Variants in NINJ2 observed in about 807,000 individuals in gnomAD.
NINJ2 encodes ninjurin-2.
In NINJ2, 12 loss-of-function variants were observed where a neutral mutation model predicts 11.7. That is an observed-to-expected ratio of 1.02 (90% CI 0.66 to 1.66). NINJ2 has a LOEUF of 1.66. Ranked by LOEUF, NINJ2 falls within the 40% of genes most tolerant of loss-of-function variation. The probability of loss-of-function intolerance (pLI) is 0.00; values close to 1 mark genes in which losing one functional copy is unlikely to be tolerated. For missense variants in NINJ2, 187 were observed against 181.8 expected (o/e 1.03, Z -0.16); for synonymous variants, 93 against 76.8 (o/e 1.21, Z -1.10).
At chr12:587,089 T>C (rs1476925765) in intron 1 of NINJ2, among the ~76,000 whole-genome samples, 1 of 152,238 alleles carries the variant, frequency 6.6e-6, no homozygotes, top group Non-Finnish European at 1.5e-5. Flanking sequence ...GTTTCTTTTC[T>C]TGCTACTAAA....
chr12:624,834 C>T (rs1236516266), intron 1 of NINJ2, among the ~76,000 whole-genome samples: 1 of 144,142 alleles, frequency 6.9e-6, no homozygotes, highest in African/African-American at 2.6e-5. Flanking sequence ...GATGGCTGGG[C>T]GCGGTGGCTC....
At chr12:573,302 T>C (rs1300656232) in intron 1 of NINJ2, among the ~76,000 whole-genome samples, 1 of 152,086 alleles carries the variant, frequency 6.6e-6, no homozygotes, top group Non-Finnish European at 1.5e-5. Context: ...ACTGGGATTA[T>C]AGGCGTGAGC....
chr12:617,688 GT>G (rs1296471054), intron 1 of NINJ2, among the ~76,000 whole-genome samples: 2 of 152,164 alleles, frequency 1.3e-5, no homozygotes, highest in Non-Finnish European at 2.9e-5. Context: ...GCGTCGCCGT[GT>G]TTTCTGTGCT....
intron 1 of NINJ2, chr12:643,361 T>G: frequency 1.2e-6 from 1 of 866,558 alleles, no homozygotes; most frequent in Non-Finnish European, 1.4e-6. Context: ...AGGGTGGCGT[T>G]CCTGAGTCCG....
chr12:642,493 G>T (rs1234385027), intron 1 of NINJ2, among the ~76,000 whole-genome samples: 2 of 152,204 alleles, frequency 1.3e-5, no homozygotes. Flanking sequence ...CTGCCAAAGT[G>T]CTGGAATTAC....
chr12:630,334 A>AT lies in NINJ2; in HGVS notation c.33+32993dup, dbSNP rs201097318. 4.7e-3 allele frequency among the ~76,000 whole-genome samples: 704 copies of AT among 151,020 alleles called. 6 individuals carry two copies. Among genetic ancestry groups the AT allele is most frequent in the African/African-American group, 0.012 (512 of 41,142 alleles). ...TTCTATCAGCAAGAAAGCTGCTTCT[A>AT]TTTTTTTTTATTCTCTTTTTCTTGG... is the stretch of plus-strand genomic sequence containing the variant. On this transcript the variant is annotated intron_variant, in intron 1 of 3. Coordinates refer to ENST00000305108, the MANE Select transcript of NINJ2 (RefSeq NM_016533.6).
At chr12:660,691 T>G (rs1937946477) in intron 1 of NINJ2, among the ~76,000 whole-genome samples, 1 of 151,874 alleles carries the variant, frequency 6.6e-6, no homozygotes, top group South Asian at 2.1e-4. Context: ...CCAGCTATGG[T>G]GGCTCACACC....
intron 1 of NINJ2, chr12:589,690 C>T (rs1947691716): frequency 6.6e-6 from 1 of 152,208 alleles, no homozygotes; most frequent in South Asian, 2.1e-4. Flanking sequence ...AAAACACCTT[C>T]CCTGTTTCTT....
chr12:632,957 G>A (rs58723372), intron 1 of NINJ2, among the ~76,000 whole-genome samples: 7,056 of 152,266 alleles, frequency 0.046, 529 homozygotes, highest in African/African-American at 0.15. Flanking sequence ...GAACACAAAA[G>A]GTTAGTGGGC....
intron 1 of NINJ2, among the ~76,000 whole-genome samples, chr12:653,018 C>CTTTTTTTT: frequency 1.0e-5 from 1 of 96,200 alleles, no homozygotes; most frequent in Non-Finnish European, 1.9e-5. Context: ...TATTTTGTTT[C>CTTTTTTTT]TTTTTTTTTT....
At chr12:601,322 G>GT in intron 1 of NINJ2, among the ~76,000 whole-genome samples, 1 of 151,984 alleles carries the variant, frequency 6.6e-6, no homozygotes, top group South Asian at 2.1e-4. Flanking sequence ...TGAGGCGGGC[G>GT]GATCAGGAAG....
Position 565,944 on chromosome 12 carries a change from C to T in NINJ2, c.262+6G>A, listed in dbSNP as rs556960282. 1.9e-6 allele frequency: 3 copies of T among 1,613,474 alleles called. No individual in the cohort carries two copies. Among genetic ancestry groups the T allele is most frequent in the Non-Finnish European group, 2.5e-6 (3 of 1,179,488 alleles). On this transcript the variant is annotated splice_donor_region_variant and intron_variant, in intron 2 of 3. Coordinates refer to ENST00000305108, the MANE Select transcript of NINJ2 (RefSeq NM_016533.6). Reference sequence around the variant, plus strand: ...AGAAGGTCTGACTGCAGGCTGGGCTCCTCACCAATGACCACGAGCAGGACA... The same window carrying T: ...AGAAGGTCTGACTGCAGGCTGGGCTTCTCACCAATGACCACGAGCAGGACA...
intron 1 of NINJ2, among the ~76,000 whole-genome samples, chr12:595,298 A>G (rs1947770085): frequency 6.6e-6 from 1 of 152,248 alleles, no homozygotes; most frequent in Non-Finnish European, 1.5e-5. Context: ...AGGATGACAC[A>G]GGATTTCCAT....
intron 1 of NINJ2, among the ~76,000 whole-genome samples, chr12:611,435 T>A (rs995071998): frequency 6.6e-5 from 10 of 152,118 alleles, no homozygotes; most frequent in African/African-American, 2.2e-4. Flanking sequence ...CCTCCTGGGT[T>A]TACGCAATTC....
chr12:596,097 G>T (rs764192563), intron 1 of NINJ2, among the ~76,000 whole-genome samples: 1 of 152,118 alleles, frequency 6.6e-6, no homozygotes, highest in Non-Finnish European at 1.5e-5. Context: ...AACACAGTTC[G>T]GCAATTTCTT....
At chr12:656,300 G>T (rs1937871406) in intron 1 of NINJ2, among the ~76,000 whole-genome samples, 1 of 151,924 alleles carries the variant, frequency 6.6e-6, no homozygotes, top group Non-Finnish European at 1.5e-5. Context: ...GGAGGCGGAG[G>T]TTGCAGTGAG....
chr12:622,107 G>GTGAGACTCCGTCT (rs1565638722), intron 1 of NINJ2, among the ~76,000 whole-genome samples: 2 of 123,238 alleles, frequency 1.6e-5, no homozygotes, highest in East Asian at 2.4e-4. Flanking sequence ...GGGTGACAGA[G>GTGAGACTCCGTCT]CAAGACTGTG....
chr12:623,897 G>A (rs954579863), intron 1 of NINJ2, among the ~76,000 whole-genome samples: 2 of 152,124 alleles, frequency 1.3e-5, no homozygotes, highest in African/African-American at 4.8e-5. Flanking sequence ...AGCTAGGTGT[G>A]GTTGTGCACA....
chr12:566,458 G>T (rs1947302661), intron 1 of NINJ2, among the ~76,000 whole-genome samples: 1 of 152,150 alleles, frequency 6.6e-6, no homozygotes, highest in African/African-American at 2.4e-5. Flanking sequence ...AAGCCGGGAG[G>T]GTTCTCTGCT....
Sources: gnomAD v4.1 joint callset for allele counts (sites outside exome capture counted in the v4.1 genomes callset) on GRCh38, gnomAD v4.1.1 for gene constraint, MANE v1.5 for transcripts, NCBI Gene and HGNC (gene_info 2026-07-23, HGNC 2026-07-21) for gene names.